The following UNC5C variants were observed in gnomAD, a reference collection of about 807,000 sequenced individuals.
UNC5C encodes unc-5 netrin receptor C.
Under a neutral mutation model 99.8 loss-of-function variants are expected in UNC5C, and 47 were observed. That is an observed-to-expected ratio of 0.47 (90% CI 0.37 to 0.60). The LOEUF is 0.60. Ranked by LOEUF, UNC5C falls within the 20% of genes least tolerant of loss-of-function variation. The probability of loss-of-function intolerance (pLI) is 0.00; values close to 1 mark genes in which losing one functional copy is unlikely to be tolerated. For synonymous variants in UNC5C, 487 were observed against 452.2 expected (o/e 1.08, Z -0.98); for missense variants, 1,062 against 1,165.9 (o/e 0.91, Z 1.30).
chr4:95,411,061 A>G (rs888590968), intron 1 of UNC5C, among the ~76,000 whole-genome samples: 1 of 152,200 alleles, frequency 6.6e-6, no homozygotes, highest in Non-Finnish European at 1.5e-5. Flanking sequence ...CAGCAGGGGA[A>G]GCTGATGATC....
intron 1 of UNC5C, among the ~76,000 whole-genome samples, chr4:95,445,539 G>A (rs1747075227): frequency 6.6e-6 from 1 of 152,028 alleles, no homozygotes; most frequent in African/African-American, 2.4e-5. Flanking sequence ...AGTAAGATAA[G>A]GATACTCTTG....
intron 6 of UNC5C, 107 bp downstream of exon 6, chr4:95,244,870 C>A (rs576360194): frequency 7.1e-7 from 1 of 1,412,234 alleles, no homozygotes; most frequent in Non-Finnish European, 9.8e-7. Flanking sequence ...ATTTAAATAA[C>A]GTTCATCACA....
intron 1 of UNC5C, among the ~76,000 whole-genome samples, chr4:95,393,850 G>GT (rs10638203): frequency 0.013 from 1,791 of 133,664 alleles, 18 homozygotes; most frequent in African/African-American, 0.026. Context: ...ACAATCTACT[G>GT]TTTTTTTTTT....
chr4:95,304,676 T>C (rs149481084), intron 2 of UNC5C, among the ~76,000 whole-genome samples: 1 of 152,314 alleles, frequency 6.6e-6, no homozygotes, highest in African/African-American at 2.4e-5. Flanking sequence ...AACAAACCTC[T>C]TCCTTTAAGA....
chr4:95,216,399 ATTAC>A lies in UNC5C; in HGVS notation c.1646-192_1646-189del, dbSNP rs531378665. On this transcript the variant is annotated intron_variant, in intron 9 of 15. Transcript: ENST00000453304. ...ACGGCTCCCTCTGAACTCTTATGCA[ATTAC>A]TTAAAGGAATGATGTAACTTTTTAA... is the stretch of plus-strand genomic sequence containing the variant. Among the ~76,000 whole-genome samples the A allele has an allele frequency of 3.6e-3, 547 of 152,242 alleles. 2 individuals carry two copies. The highest frequency in any genetic ancestry group is 0.01 in the Middle Eastern group (3 of 294).
Position 95,166,808 on chromosome 4 carries a change from G to A in UNC5C, c.*2426C>T, listed in dbSNP as rs142974089. Reference sequence around the variant, plus strand: ...TCCTCCTCCTCCTTTTAAAAAATGTGTGTGTATAACTGCGTGTATATATAT... The same window carrying A: ...TCCTCCTCCTCCTTTTAAAAAATGTATGTGTATAACTGCGTGTATATATAT... On this transcript the variant is annotated 3_prime_UTR_variant, in exon 16 of 16. Transcript: ENST00000453304. 1.3e-5 allele frequency: 2 copies of A among 152,260 alleles called. No individual in the cohort carries two copies. The highest frequency in any genetic ancestry group is 1.9e-4 in the East Asian group (1 of 5,176). The allele number at this position is 152,260 out of a possible 1,614,324, so 9.4% of individuals were successfully genotyped here.
At chr4:95,455,969 A>G (rs1308166089) in intron 1 of UNC5C, among the ~76,000 whole-genome samples, 1 of 152,106 alleles carries the variant, frequency 6.6e-6, no homozygotes, top group African/African-American at 2.4e-5. Flanking sequence ...GTCTGAAACC[A>G]CAAGTTTGAA....
At chr4:95,366,180 T>C (rs1744562748) in intron 1 of UNC5C, among the ~76,000 whole-genome samples, 1 of 152,206 alleles carries the variant, frequency 6.6e-6, no homozygotes. Flanking sequence ...ATACATGTGA[T>C]GGGCTGAGTG....
intron 1 of UNC5C, among the ~76,000 whole-genome samples, chr4:95,421,284 A>C (rs983442394): frequency 2.6e-5 from 4 of 152,138 alleles, no homozygotes; most frequent in Admixed American, 2.0e-4. Context: ...ATTCTTCATA[A>C]AGGTTGGCCA....
chr4:95,334,410 A>C (rs1417216549), intron 2 of UNC5C, among the ~76,000 whole-genome samples: 2 of 151,976 alleles, frequency 1.3e-5, no homozygotes, highest in African/African-American at 4.8e-5. Context: ...AATTTTTGTC[A>C]TGCTTGATAT....
intron 2 of UNC5C, among the ~76,000 whole-genome samples, chr4:95,329,433 GTGAAATCT>G (rs1743027023): frequency 2.0e-5 from 3 of 152,190 alleles, no homozygotes; most frequent in Admixed American, 1.3e-4. Context: ...TAACTAATCA[GTGAAATCT>G]ATATACCTTT....
chr4:95,514,155 G>C (rs11944480), intron 1 of UNC5C, among the ~76,000 whole-genome samples: 3,188 of 152,152 alleles, frequency 0.021, 123 homozygotes, highest in African/African-American at 0.071. Context: ...GTTCATACAA[G>C]ATAATTGTTC....
chr4:95,326,263 ATAAT>A (rs1742879901), intron 2 of UNC5C, among the ~76,000 whole-genome samples: 1 of 152,158 alleles, frequency 6.6e-6, no homozygotes, highest in African/African-American at 2.4e-5. Flanking sequence ...TAACTTGAGA[ATAAT>A]TAAAGATGAA....
intron 9 of UNC5C, among the ~76,000 whole-genome samples, chr4:95,217,308 G>A (rs1156973761): frequency 6.6e-6 from 1 of 152,166 alleles, no homozygotes; most frequent in Non-Finnish European, 1.5e-5. Context: ...AGAGGTAGTA[G>A]GCCTTCATGT....
intron 1 of UNC5C, among the ~76,000 whole-genome samples, chr4:95,454,143 GTTA>G (rs1295090286): frequency 6.6e-6 from 1 of 152,000 alleles, no homozygotes; most frequent in Non-Finnish European, 1.5e-5. Context: ...CTTTAAAATG[GTTA>G]TTATGTGTTA....
intron 1 of UNC5C, among the ~76,000 whole-genome samples, chr4:95,423,426 G>A (rs1746374974): frequency 6.6e-6 from 1 of 152,142 alleles, no homozygotes; most frequent in Non-Finnish European, 1.5e-5. Context: ...CTTTAAAAAT[G>A]TAAGTAACGC....
intron 7 of UNC5C, among the ~76,000 whole-genome samples, chr4:95,239,182 T>C (rs1739236764): frequency 6.6e-6 from 1 of 152,222 alleles, no homozygotes; most frequent in African/African-American, 2.4e-5. Flanking sequence ...GAAACTTAGA[T>C]AGTGGCTTGC....
At chr4:95,439,213 C>G (rs1230744651) in intron 1 of UNC5C, among the ~76,000 whole-genome samples, 1 of 152,008 alleles carries the variant, frequency 6.6e-6, no homozygotes, top group African/African-American at 2.4e-5. Flanking sequence ...AAGGCTGGCC[C>G]CAACAAATAC....
intron 1 of UNC5C, among the ~76,000 whole-genome samples, chr4:95,348,363 A>C (rs1743854905): frequency 6.6e-6 from 1 of 151,746 alleles, no homozygotes; most frequent in African/African-American, 2.4e-5. Context: ...GAGGTTCCCC[A>C]AAAAACTAAA....
Sources: allele counts gnomAD v4.1 joint callset (sites outside exome capture counted in the v4.1 genomes callset), GRCh38; gene constraint gnomAD v4.1.1; transcripts MANE v1.5; gene names NCBI Gene and HGNC (gene_info 2026-07-23, HGNC 2026-07-21).